The following NRG1 variants were observed in gnomAD, a reference collection of about 807,000 sequenced individuals.
The protein encoded by NRG1 is pro-neuregulin-1, membrane-bound isoform.
Under a neutral mutation model 63.8 loss-of-function variants are expected in NRG1, and 18 were observed. The ratio of observed to expected loss-of-function variants is 0.28; its 90% CI spans 0.19 to 0.42. NRG1 has a LOEUF of 0.42. Ranked by LOEUF, NRG1 falls within the 10% of genes least tolerant of loss-of-function variation. The pLI is 1.00. For synonymous variants in NRG1, 302 were observed against 301.3 expected (o/e 1.00, Z -0.02); for missense variants, 762 against 814.7 (o/e 0.94, Z 0.79).
intron 1 of NRG1, among the ~76,000 whole-genome samples, chr8:32,040,722 A>G (rs1422383892): frequency 1.4e-5 from 1 of 70,940 alleles, no homozygotes; most frequent in Non-Finnish European, 3.0e-5. Context: ...ATATATATAT[A>G]TATATATATA....
chr8:31,719,504 C>A (rs1013404668), intron 1 of NRG1, among the ~76,000 whole-genome samples: 5 of 152,110 alleles, frequency 3.3e-5, no homozygotes, highest in African/African-American at 1.2e-4. Flanking sequence ...ATAATTAAGT[C>A]CCGAAGTTAG....
At chr8:31,870,914 G>C (rs932794714) in intron 1 of NRG1, among the ~76,000 whole-genome samples, 1 of 152,026 alleles carries the variant, frequency 6.6e-6, no homozygotes, top group Non-Finnish European at 1.5e-5. Context: ...TAGGATGATG[G>C]TTTGGGAGAT....
chr8:31,708,296 GC>G (rs1278895737), intron 1 of NRG1, among the ~76,000 whole-genome samples: 2 of 152,060 alleles, frequency 1.3e-5, no homozygotes, highest in East Asian at 3.9e-4. Flanking sequence ...TGGCAACCCA[GC>G]CTCAACTATG....
At chr8:32,135,047 G>A (rs1835329578) in intron 1 of NRG1, among the ~76,000 whole-genome samples, 1 of 152,070 alleles carries the variant, frequency 6.6e-6, no homozygotes, top group African/African-American at 2.4e-5. Flanking sequence ...TTTCACAGAT[G>A]GCAAATACCT....
chr8:32,551,625 C>T (rs1006994291), intron 1 of NRG1, among the ~76,000 whole-genome samples: 9 of 152,190 alleles, frequency 5.9e-5, no homozygotes, highest in Admixed American at 4.6e-4. Flanking sequence ...ATACAATTAA[C>T]TAAATGTTGA....
chr8:31,826,170 G>A (rs560104522), intron 1 of NRG1, among the ~76,000 whole-genome samples: 2 of 152,162 alleles, frequency 1.3e-5, no homozygotes, highest in African/African-American at 4.8e-5. Flanking sequence ...AGGTCAATGG[G>A]ATGTAAATAG....
At chr8:31,721,756 C>G (rs530167007) in intron 1 of NRG1, among the ~76,000 whole-genome samples, 8 of 152,192 alleles carry the variant, frequency 5.3e-5, no homozygotes, top group Admixed American at 5.2e-4. Context: ...TGTTGCAGTT[C>G]CATCTCTCTT....
At chr8:32,020,685 T>A (rs1331089023) in intron 1 of NRG1, among the ~76,000 whole-genome samples, 2 of 152,220 alleles carry the variant, frequency 1.3e-5, no homozygotes, top group Non-Finnish European at 2.9e-5. Context: ...ACATGATTCT[T>A]CCTTGCTGAA....
At chr8:32,337,703 G>T (rs1803496388) in intron 1 of NRG1, among the ~76,000 whole-genome samples, 1 of 80,772 alleles carries the variant, frequency 1.2e-5, no homozygotes, top group Non-Finnish European at 3.0e-5. Flanking sequence ...TTAGGAAAGG[G>T]AAGCCTGAGC....
intron 1 of NRG1, among the ~76,000 whole-genome samples, chr8:31,653,775 G>T (rs1805144676): frequency 6.6e-6 from 1 of 152,152 alleles, no homozygotes; most frequent in Admixed American, 6.5e-5. Flanking sequence ...TGCTCACTAT[G>T]TCTTGTTTCA....
intron 1 of NRG1, among the ~76,000 whole-genome samples, chr8:31,785,470 T>C (rs1056029715): frequency 2.0e-5 from 3 of 152,146 alleles, no homozygotes; most frequent in African/African-American, 7.2e-5. Context: ...TTTGGTGTCA[T>C]AGGGGTTAAA....
chr8:31,870,420 G>A (rs1210347482), intron 1 of NRG1, among the ~76,000 whole-genome samples: 1 of 152,088 alleles, frequency 6.6e-6, no homozygotes, highest in Non-Finnish European at 1.5e-5. Flanking sequence ...AAAAATGAGT[G>A]AGTGTTCAAG....
chr8:31,901,968 G>A (rs1832122473), intron 1 of NRG1, among the ~76,000 whole-genome samples: 1 of 152,086 alleles, frequency 6.6e-6, no homozygotes, highest in Non-Finnish European at 1.5e-5. Flanking sequence ...TCAACTTCGT[G>A]TAAAGTCTTT....
intron 1 of NRG1, among the ~76,000 whole-genome samples, chr8:32,417,156 C>A (rs2129485864): frequency 6.6e-6 from 1 of 152,272 alleles, no homozygotes; most frequent in Admixed American, 6.5e-5. Context: ...ACTAGAGAAG[C>A]AACCAGCACC....
chr8:32,035,615 G>T (rs1253172999), intron 1 of NRG1, among the ~76,000 whole-genome samples: 2 of 152,156 alleles, frequency 1.3e-5, no homozygotes, highest in Non-Finnish European at 1.5e-5. Context: ...ATGAATCAGG[G>T]TGCTCCTGTA....
chr8:32,703,569 A>C (rs1815546097), intron 5 of NRG1, among the ~76,000 whole-genome samples: 1 of 152,120 alleles, frequency 6.6e-6, no homozygotes, highest in Non-Finnish European at 1.5e-5. Context: ...GAAAAAAAGA[A>C]ATGTAATTCA....
At chr8:32,685,964 A>C (rs953999985) in intron 5 of NRG1, among the ~76,000 whole-genome samples, 1 of 152,244 alleles carries the variant, frequency 6.6e-6, no homozygotes, top group East Asian at 1.9e-4. Context: ...TAATTTTTGG[A>C]ATACGTAGCT....
At chr8:32,675,537 A>G (rs1425688725) in intron 5 of NRG1, among the ~76,000 whole-genome samples, 1 of 152,218 alleles carries the variant, frequency 6.6e-6, no homozygotes, top group Admixed American at 6.5e-5. Flanking sequence ...CCTTGGCTGT[A>G]TTCAAAGAGT....
chr8:32,761,595 T>TA (rs1412098852), intron 11 of NRG1, among the ~76,000 whole-genome samples: 1 of 151,362 alleles, frequency 6.6e-6, no homozygotes, highest in African/African-American at 2.4e-5. Flanking sequence ...TATTTTATTT[T>TA]ATTTTATTTT....
Sources: allele counts gnomAD v4.1 joint callset (sites outside exome capture counted in the v4.1 genomes callset), GRCh38; gene constraint gnomAD v4.1.1; transcripts MANE v1.5; gene names NCBI Gene and HGNC (gene_info 2026-07-23, HGNC 2026-07-21).